Variants in ABL1 observed in about 807,000 individuals in gnomAD.
ABL1 encodes tyrosine-protein kinase ABL1.
ABL1 carries 11 observed loss-of-function variants against 94.7 expected under a neutral mutation model. That is an observed-to-expected ratio of 0.12 (90% CI 0.07 to 0.19). ABL1 has a LOEUF of 0.19. Ranked by LOEUF, ABL1 falls within the 10% of genes least tolerant of loss-of-function variation. ABL1 has a pLI of 1.00. For synonymous variants in ABL1, 656 were observed against 622.4 expected (o/e 1.05, Z -0.80); for missense variants, 1,082 against 1,489.4 (o/e 0.73, Z 4.50).
chr9:130,835,361 G>C lies in ABL1; in HGVS notation c.-86G>C. 1.3e-6 allele frequency: 1 copy of C among 748,530 alleles called. No homozygotes were observed. Among genetic ancestry groups the C allele is most frequent in the Non-Finnish European group, 1.7e-6 (1 of 605,026 alleles). 46.4% of individuals were successfully genotyped at this position (748,530 alleles called of 1,614,324 possible). The stretch of plus-strand genomic sequence containing the variant: ...CTGGCGGGGCCGGGGGCGCCGGGGG[G>C]GCGCGCGGGCCGAGCCGGGCCTGAG... On this transcript the variant is annotated 5_prime_UTR_variant, in exon 1 of 11. Coordinates refer to ENST00000318560, the MANE Select transcript of ABL1 (RefSeq NM_005157.6). This position sits in a 1 kb window ranked among gnomAD's most constrained non-coding sequence, Gnocchi z 4.6.
At chr9:130,802,166 C>A (rs543036077) in intron 1 of ABL1, among the ~76,000 whole-genome samples, 1 of 148,324 alleles carries the variant, frequency 6.7e-6, no homozygotes, top group Non-Finnish European at 1.5e-5. Context: ...GATCACGACT[C>A]ACTGCAACTT....
rs35144314 is a variant in ABL1 at position 130,731,094 on chromosome 9, C to A, written c.136+16639C>A. On this transcript the variant is annotated intron_variant, in intron 1 of 10. Transcript: ENST00000372348. ...TGATCTCGGCTCACTGCAACCTCCGCCTCCCAGGTTCAAGAGATTCTCCTG... is the reference window on the plus strand; with the variant it reads ...TGATCTCGGCTCACTGCAACCTCCGACTCCCAGGTTCAAGAGATTCTCCTG... Among the ~76,000 whole-genome samples the A allele has an allele frequency of 8.0e-4, 115 of 144,146 alleles. 1 individual carries two copies. The East Asian group carries it at 0.021, about 26-fold the overall frequency. 94.6% of individuals were successfully genotyped at this position (144,146 alleles called of 152,430 possible). A position where few individuals can be genotyped will look rare whatever the true frequency, so the allele number is the denominator to read the frequency against.
intron 1 of ABL1, among the ~76,000 whole-genome samples, chr9:130,729,611 T>G (rs1300723571): frequency 2.0e-5 from 3 of 152,342 alleles, no homozygotes; most frequent in Non-Finnish European, 4.4e-5. Flanking sequence ...TTGCCTTGCC[T>G]GTCATCTAAT....
At chr9:130,811,257 C>T (rs2132853821) in intron 1 of ABL1, among the ~76,000 whole-genome samples, 1 of 152,250 alleles carries the variant, frequency 6.6e-6, no homozygotes, top group South Asian at 2.1e-4. Context: ...CCACTGCATT[C>T]CAGCCTGGGT....
At chr9:130,765,340 C>G (rs546943324) in intron 1 of ABL1, among the ~76,000 whole-genome samples, 1 of 152,292 alleles carries the variant, frequency 6.6e-6, no homozygotes, top group East Asian at 1.9e-4. Context: ...TGCTCCCCCA[C>G]TTCAAAACGT....
chr9:130,785,007 A>G (rs1487776993), intron 1 of ABL1, among the ~76,000 whole-genome samples: 2 of 152,128 alleles, frequency 1.3e-5, no homozygotes, highest in South Asian at 2.1e-4. Flanking sequence ...CGACCAGTCT[A>G]CCCTCTCCCC....
rs114951646 is a variant in ABL1 at position 130,837,016 on chromosome 9, A to G, written c.79+1491A>G. 5.6e-3 allele frequency among the ~76,000 whole-genome samples: 853 copies of G among 152,194 alleles called. 9 individuals are homozygous for G. The highest frequency in any genetic ancestry group is 0.019 in the African/African-American group (793 of 41,520). On this transcript the variant is annotated intron_variant, in intron 1 of 10. Transcript: ENST00000318560. Reference sequence around the variant, plus strand: ...CCTGAAGGCCTGCTTGGAGTCACATATGCAGATCGCACTAGTGATGTGGGT... The same window carrying G: ...CCTGAAGGCCTGCTTGGAGTCACATGTGCAGATCGCACTAGTGATGTGGGT...
chr9:130,742,490 C>T (rs1054940451), intron 1 of ABL1, among the ~76,000 whole-genome samples: 9 of 152,138 alleles, frequency 5.9e-5, no homozygotes, highest in Admixed American at 5.2e-4. Flanking sequence ...TAGCTAGACT[C>T]CAGGTTTCGT....
In ABL1 at chr9:130,884,193, G is replaced by A. The variant is rs771154274; in HGVS notation, c.1903G>A (p.Glu635Lys). 2.1e-5 allele frequency: 34 copies of A among 1,612,020 alleles called. No individual in the cohort carries two copies. The highest frequency in any genetic ancestry group is 8.4e-5 in the Admixed American group (5 of 59,640). Residue 635 changes from glutamate to lysine, a missense_variant, in exon 11 of 11, where the codon GAG (glutamate) becomes AAG (lysine). Coordinates refer to ENST00000318560, the MANE Select transcript of ABL1 (RefSeq NM_005157.6). The surrounding 1 kb of genome is among the most constrained non-coding windows in gnomAD (Gnocchi z 5.6). ...DGQPERRGAG[E>K]EEGRDISNGA... ...CCAGCCGGAGCGCAGAGGGGCCGGC[G>A]AGGAAGAGGGCCGAGACATCAGCAA...
intron 3 of ABL1, among the ~76,000 whole-genome samples, chr9:130,856,353 G>A (rs1034132727): frequency 6.6e-6 from 1 of 152,174 alleles, no homozygotes; most frequent in Non-Finnish European, 1.5e-5. Flanking sequence ...ATCCCAAAGT[G>A]CTGGGATTAC....
At chr9:130,769,988 G>A (rs553349603) in intron 1 of ABL1, among the ~76,000 whole-genome samples, 2 of 152,228 alleles carry the variant, frequency 1.3e-5, no homozygotes, top group South Asian at 2.1e-4. Flanking sequence ...AATGGGTGAG[G>A]AGTCAACCAC....
intron 1 of ABL1, among the ~76,000 whole-genome samples, chr9:130,809,270 G>C (rs1830170981): frequency 6.6e-6 from 1 of 152,118 alleles, no homozygotes; most frequent in Non-Finnish European, 1.5e-5. Context: ...ACCATTTACG[G>C]AGTTCACACA....
chr9:130,777,334 A>G (rs1829680846), intron 1 of ABL1, among the ~76,000 whole-genome samples: 1 of 152,228 alleles, frequency 6.6e-6, no homozygotes, highest in Admixed American at 6.5e-5. Flanking sequence ...TGGTTTCAGT[A>G]TTGGACTAAT....
chr9:130,784,902 G>C (rs1445155014), intron 1 of ABL1, among the ~76,000 whole-genome samples: 2 of 152,192 alleles, frequency 1.3e-5, no homozygotes, highest in Non-Finnish European at 2.9e-5. Flanking sequence ...CATCCGTGTT[G>C]GGATGAGTGG....
intron 1 of ABL1, among the ~76,000 whole-genome samples, chr9:130,819,778 T>A (rs1588252185): frequency 1.3e-5 from 2 of 152,098 alleles, no homozygotes; most frequent in Admixed American, 6.6e-5. Flanking sequence ...CCTGACCTCG[T>A]GATCCGCCCG....
intron 1 of ABL1, among the ~76,000 whole-genome samples, chr9:130,842,787 T>C (rs1830695624): frequency 6.6e-6 from 1 of 152,200 alleles, no homozygotes; most frequent in Non-Finnish European, 1.5e-5. Flanking sequence ...AAAAATGCCT[T>C]TGTGGGTATT....
chr9:130,809,407 AGAGAG>A (rs1830173693), intron 1 of ABL1, among the ~76,000 whole-genome samples: 1 of 124,054 alleles, frequency 8.1e-6, no homozygotes, highest in African/African-American at 2.8e-5. Flanking sequence ...AGAGAGAGAG[AGAGAG>A]AGAGAGTGTG....
chr9:130,847,986 C>T (rs996938254), intron 1 of ABL1, among the ~76,000 whole-genome samples: 6 of 152,116 alleles, frequency 3.9e-5, no homozygotes, highest in Non-Finnish European at 7.3e-5. Flanking sequence ...AATCCAGATG[C>T]GGCAGAATGT....
chr9:130,849,970 G>C (rs1330675719), intron 1 of ABL1, among the ~76,000 whole-genome samples: 1 of 152,154 alleles, frequency 6.6e-6, no homozygotes, highest in Admixed American at 6.6e-5. Context: ...TAATGACAGT[G>C]GAAGCTCGTA....
Sources: allele counts gnomAD v4.1 joint callset (sites outside exome capture counted in the v4.1 genomes callset), GRCh38; gene constraint gnomAD v4.1.1; non-coding constraint Gnocchi (gnomAD v3.1); transcripts MANE v1.5; gene names NCBI Gene and HGNC (gene_info 2026-07-23, HGNC 2026-07-21).